Variants in TG observed in about 807,000 individuals in gnomAD.
The protein encoded by TG is thyroid hormones.
In TG, 270 loss-of-function variants were observed where a neutral mutation model predicts 324.7. The ratio of observed to expected loss-of-function variants is 0.83; its 90% CI spans 0.75 to 0.92. The LOEUF is 0.92. Ranked by LOEUF, TG falls within the 40% of genes least tolerant of loss-of-function variation. The pLI, the probability that TG is intolerant of heterozygous loss-of-function variation, is 0.00. For synonymous variants in TG, 1,401 were observed against 1,327.0 expected (o/e 1.06, Z -1.21); for missense variants, 3,591 against 3,456.4 (o/e 1.04, Z -0.98).
intron 35 of TG, among the ~76,000 whole-genome samples, chr8:132,984,007 G>A (rs1164403319): frequency 1.3e-5 from 2 of 152,198 alleles, no homozygotes; most frequent in Non-Finnish European, 2.9e-5. Flanking sequence ...GAGAGGTTGG[G>A]TGCAGTAGAG....
At position 132,873,003 on chromosome 8, in the gene TG, G is replaced by A. The variant is rs1318466832; in HGVS notation, c.479-59G>A. On this transcript the variant is annotated intron_variant, in intron 4 of 47. Coordinates refer to ENST00000220616, the MANE Select transcript of TG (RefSeq NM_003235.5). ...AGGGACACGAGTGCATATGCTGCTCGACTGCAGAAATATGTGTCTACTCAT... is the reference window on the plus strand; with the variant it reads ...AGGGACACGAGTGCATATGCTGCTCAACTGCAGAAATATGTGTCTACTCAT... The A allele has an allele frequency of 5.0e-6, 8 of 1,589,116 alleles. No homozygotes were observed. In the East Asian group the frequency reaches 6.7e-5, roughly 13 times the overall value.
intron 41 of TG, among the ~76,000 whole-genome samples, chr8:133,079,669 T>C (rs961520570): frequency 6.6e-5 from 10 of 152,188 alleles, no homozygotes; most frequent in Non-Finnish European, 1.2e-4. Flanking sequence ...CCATTCCTAC[T>C]TTATAGCTTG....
At chr8:132,964,815 G>A in intron 29 of TG, 1 of 688,340 alleles carries the variant, frequency 1.5e-6, no homozygotes, top group Admixed American at 2.1e-5. Context: ...TGTGGCAAGG[G>A]ATGCAATGTG....
chr8:133,022,058 C>T lies in TG; in HGVS notation c.6944C>T (p.Pro2315Leu), dbSNP rs535581469. 28 of 1,614,128 alleles carry T rather than the reference C, an allele frequency of 1.7e-5. No homozygotes were observed. The highest frequency in any genetic ancestry group is 8.0e-5 in the African/African-American group (6 of 75,018). ...TMDREESEGW[P>L]AIDGSFLAAV... ...GACAGGGAGGAGAGTGAAGGATGGC[C>T]GGCTATCGACGGCTCCTTCTTGGCT... The change falls in exon 40 of 48, where the codon CCG (proline) becomes CTG (leucine). Residue 2315 changes from proline (P) to leucine (L), a missense_variant. Physicochemically the swap from Pro to Leu is moderately conservative, Grantham distance 98. Transcript: ENST00000220616.
At chr8:133,071,136 G>A (rs1039440297) in intron 41 of TG, among the ~76,000 whole-genome samples, 5 of 152,170 alleles carry the variant, frequency 3.3e-5, no homozygotes, top group East Asian at 1.9e-4. Context: ...ATGAGGCTTC[G>A]TGTACAACAA....
chr8:132,885,097 G>A (rs1248037013), intron 8 of TG, among the ~76,000 whole-genome samples: 6 of 148,856 alleles, frequency 4.0e-5, no homozygotes, highest in African/African-American at 1.5e-4. Flanking sequence ...TGGCATTTAT[G>A]TGAATCAAGA....
At chr8:132,884,569 A>C (rs1587237716) in intron 8 of TG, among the ~76,000 whole-genome samples, 1 of 152,336 alleles carries the variant, frequency 6.6e-6, no homozygotes, top group Non-Finnish European at 1.5e-5. Flanking sequence ...GTTATATTCT[A>C]TCTGCTAAGT....
intron 46 of TG, among the ~76,000 whole-genome samples, chr8:133,132,650 G>A (rs1385331529): frequency 6.6e-6 from 1 of 152,192 alleles, no homozygotes; most frequent in Admixed American, 6.5e-5. Context: ...ATAAAAAGGT[G>A]CAAAAGTCAT....
chr8:132,915,067 C>T (rs540509257), intron 20 of TG, among the ~76,000 whole-genome samples: 5 of 152,110 alleles, frequency 3.3e-5, no homozygotes, highest in East Asian at 1.9e-4. Flanking sequence ...TTTGTCCGTA[C>T]GCATGTGTGT....
chr8:133,046,959 A>G (rs1393120606), intron 41 of TG: 1 of 152,188 alleles, frequency 6.6e-6, no homozygotes, highest in African/African-American at 2.4e-5. Context: ...TATTGAATGT[A>G]CAAGAAGCAA....
intron 41 of TG, chr8:133,049,239 A>C (rs1405306897): frequency 9.2e-6 from 4 of 434,514 alleles, no homozygotes; most frequent in Non-Finnish European, 1.8e-5. Flanking sequence ...GTTTTCTAAG[A>C]TATCTCTTGT....
At chr8:133,011,127 C>T (rs983283906) in intron 35 of TG, among the ~76,000 whole-genome samples, 5 of 152,108 alleles carry the variant, frequency 3.3e-5, no homozygotes, top group Admixed American at 2.0e-4. Context: ...GCAGGATTGG[C>T]CAGAGGAAGA....
rs138031620 is a variant in TG, at chr8:132,974,739, C to G, written c.6199+1998C>G. 3.2e-4 allele frequency among the ~76,000 whole-genome samples: 48 copies of G among 152,318 alleles called. No homozygotes were observed. In the East Asian group the frequency reaches 8.7e-3, roughly 28 times the overall value. ...AATACTGATAAACTAACAAATCAAA[C>G]CAGTTGGTGGTTTGGTGCCTTGTTC... On this transcript the variant is annotated intron_variant, in intron 34 of 47. Transcript: ENST00000220616.
chr8:132,995,896 G>T (rs1003566296), intron 35 of TG, among the ~76,000 whole-genome samples: 62 of 152,182 alleles, frequency 4.1e-4, no homozygotes, highest in African/African-American at 1.5e-3. Context: ...CATTAAAGAT[G>T]GTTACCCACC....
intron 41 of TG, among the ~76,000 whole-genome samples, chr8:133,054,513 A>G (rs1250654165): frequency 1.3e-5 from 2 of 152,216 alleles, no homozygotes; most frequent in African/African-American, 2.4e-5. Flanking sequence ...GATTGAGTGA[A>G]GGATTCAGGA....
At chr8:133,010,570 G>A (rs1331185652) in intron 35 of TG, among the ~76,000 whole-genome samples, 3 of 152,146 alleles carry the variant, frequency 2.0e-5, no homozygotes, top group Non-Finnish European at 2.9e-5. Context: ...GGAGTGTTCT[G>A]GAATCAGCTC....
In TG at chr8:132,898,795, C is replaced by T; in HGVS notation, c.3218-3C>T. 1 of 1,613,876 alleles carries T rather than the reference C, an allele frequency of 6.2e-7. No individual in the cohort carries two copies. The highest frequency in any genetic ancestry group is 1.7e-5 in the Admixed American group (1 of 60,024). On this transcript the variant is annotated splice_polypyrimidine_tract_variant and splice_region_variant and intron_variant, in intron 13 of 47. Coordinates refer to ENST00000220616, the MANE Select transcript of TG (RefSeq NM_003235.5). The stretch of plus-strand genomic sequence containing the variant: ...CCTTTACAAGCACCTCTCTCTCCCA[C>T]AGGCCCGACAACCTGCGAGAAATCT...
At chr8:133,015,613 A>T (rs1490502391) in intron 37 of TG, among the ~76,000 whole-genome samples, 1 of 152,164 alleles carries the variant, frequency 6.6e-6, no homozygotes, top group African/African-American at 2.4e-5. Flanking sequence ...TTCAGCCTTT[A>T]TATTTGTTCT....
At chr8:133,107,486 GC>G (rs1172551627) in intron 43 of TG, among the ~76,000 whole-genome samples, 1 of 152,188 alleles carries the variant, frequency 6.6e-6, no homozygotes, top group Non-Finnish European at 1.5e-5. Flanking sequence ...GTGGAAGTCA[GC>G]ACATGCAGTC....
Sources: allele counts gnomAD v4.1 joint callset (sites outside exome capture counted in the v4.1 genomes callset), GRCh38; gene constraint gnomAD v4.1.1; transcripts MANE v1.5; gene names NCBI Gene and HGNC (gene_info 2026-07-23, HGNC 2026-07-21).